MCOLN2: variants seen among roughly 807,000 people sequenced by gnomAD.
MCOLN2 encodes mucolipin-2.
A neutral mutation model predicts 67.5 loss-of-function variants in MCOLN2; 57 were observed. That is an observed-to-expected ratio of 0.84 (90% CI 0.68 to 1.05). The LOEUF is 1.05. MCOLN2 is among the 50% of genes least tolerant of loss of function. The pLI is 0.00. For missense variants in MCOLN2, 620 were observed against 678.8 expected (o/e 0.91, Z 0.96); for synonymous variants, 246 against 233.3 (o/e 1.05, Z -0.50).
At chr1:84,970,773 T>C (rs548412489) in intron 1 of MCOLN2, among the ~76,000 whole-genome samples, 1 of 152,294 alleles carries the variant, frequency 6.6e-6, no homozygotes, top group African/African-American at 2.4e-5. Context: ...TGTGAATAGA[T>C]AAAAGAATGA....
chr1:84,989,222 A>C (rs774289818), intron 1 of MCOLN2, among the ~76,000 whole-genome samples: 13 of 152,242 alleles, frequency 8.5e-5, no homozygotes, highest in Non-Finnish European at 1.8e-4. Flanking sequence ...ATGAGACATC[A>C]ATCTTGACTA....
At chr1:84,929,303 A>C (rs1661294142) in intron 13 of MCOLN2, among the ~76,000 whole-genome samples, 1 of 152,216 alleles carries the variant, frequency 6.6e-6, no homozygotes, top group Non-Finnish European at 1.5e-5. Flanking sequence ...TTAAGGACAT[A>C]ATTTATGCCT....
At position 84,937,889 on chromosome 1, in the gene MCOLN2, A is replaced by G; in HGVS notation, c.1213-12T>C. ...GTTAAAATCAGCACCTGAAAAAAAG[A>G]ACAGAATGGGTGAAATGAAAAAGTA... is the stretch of plus-strand genomic sequence containing the variant. On this transcript the variant is annotated splice_polypyrimidine_tract_variant and intron_variant, in intron 10 of 13. Coordinates refer to ENST00000370608, the MANE Select transcript of MCOLN2 (RefSeq NM_153259.4). 6.2e-7 allele frequency: 1 copy of G among 1,614,146 alleles called. No individual in the cohort carries two copies. The highest frequency in any genetic ancestry group is 8.5e-7 in the Non-Finnish European group (1 of 1,180,022).
intron 1 of MCOLN2, among the ~76,000 whole-genome samples, chr1:84,981,943 T>C (rs750801707): frequency 8.0e-4 from 104 of 130,424 alleles, no homozygotes; most frequent in Admixed American, 2.9e-3. Flanking sequence ...ACATCTACAA[T>C]GTACCCACAA....
At chr1:84,983,177 T>C (rs1314338097) in intron 1 of MCOLN2, among the ~76,000 whole-genome samples, 1 of 152,214 alleles carries the variant, frequency 6.6e-6, no homozygotes, top group Non-Finnish European at 1.5e-5. Context: ...AACCCAAATC[T>C]GTGTGGCTCT....
At chr1:84,986,096 T>A (rs1299647490) in intron 1 of MCOLN2, among the ~76,000 whole-genome samples, 3 of 152,090 alleles carry the variant, frequency 2.0e-5, no homozygotes, top group Non-Finnish European at 2.9e-5. Flanking sequence ...AAAACAGGCA[T>A]ACAAACCAAT....
At chr1:84,929,705 C>T (rs374246442) in intron 12 of MCOLN2, 26 bp from the exon 13 acceptor site, 4 of 1,599,590 alleles carry the variant, frequency 2.5e-6, no homozygotes, top group African/African-American at 2.7e-5. Context: ...AATGTTGTTA[C>T]CTTATTTATA....
chr1:84,926,599 T>G lies in MCOLN2; in HGVS notation c.*86A>C. 1 of 956,072 alleles carries G rather than the reference T, an allele frequency of 1.0e-6. No individual in the cohort carries two copies. The highest frequency in any genetic ancestry group is 1.6e-6 in the Non-Finnish European group (1 of 644,436). The allele number at this position is 956,072 out of a possible 1,614,324, so 59.2% of individuals were successfully genotyped here. Reference sequence around the variant, plus strand: ...CCACAATTAAATAAGAGAGTCATTTTGGAACTGCTTGTCCAAGTCATTTGG... The same window carrying G: ...CCACAATTAAATAAGAGAGTCATTTGGGAACTGCTTGTCCAAGTCATTTGG... On this transcript the variant is annotated 3_prime_UTR_variant, in exon 14 of 14. Coordinates refer to ENST00000370608, the MANE Select transcript of MCOLN2 (RefSeq NM_153259.4).
rs1651193583 is a variant in MCOLN2 at position 84,997,020 on chromosome 1, C to A, written c.-148G>T. On this transcript the variant is annotated 5_prime_UTR_variant, in exon 1 of 14. Transcript: ENST00000370608. ...TCCCTTCTCTTACCCTTTCTGCCGG[C>A]CGCGTGGTGCGCGCAGACCCCGGCC... 3.0e-6 allele frequency: 2 copies of A among 677,924 alleles called. No individual in the cohort carries two copies. The highest frequency in any genetic ancestry group is 2.8e-5 in the East Asian group (1 of 36,270). 42.0% of individuals were successfully genotyped at this position (677,924 alleles called of 1,614,324 possible).
chr1:84,977,525 G>GA (rs1349101343), intron 1 of MCOLN2, among the ~76,000 whole-genome samples: 2 of 151,914 alleles, frequency 1.3e-5, no homozygotes. Context: ...CACATAGACT[G>GA]AAAATAAAGG....
At chr1:84,933,180 C>T (rs1213441920) in intron 11 of MCOLN2, among the ~76,000 whole-genome samples, 4 of 152,160 alleles carry the variant, frequency 2.6e-5, no homozygotes, top group Non-Finnish European at 4.4e-5. Context: ...AGACCAAGTG[C>T]CCTGGTAGTT....
At chr1:84,985,423 G>A (rs975128355) in intron 1 of MCOLN2, among the ~76,000 whole-genome samples, 8 of 152,156 alleles carry the variant, frequency 5.3e-5, no homozygotes, top group Admixed American at 5.2e-4. Context: ...TTCTAAAACA[G>A]CTTGTCCAAT....
chr1:84,993,681 A>ACTG (rs1490928113), intron 1 of MCOLN2, among the ~76,000 whole-genome samples: 1 of 136,596 alleles, frequency 7.3e-6, no homozygotes, highest in Non-Finnish European at 1.5e-5. Flanking sequence ...CGGACTGCGG[A>ACTG]CTGCAGTGGC....
intron 2 of MCOLN2, among the ~76,000 whole-genome samples, chr1:84,961,868 T>G (rs970753928): frequency 1.3e-5 from 2 of 152,184 alleles, no homozygotes; most frequent in Non-Finnish European, 2.9e-5. Context: ...GATACTGCTC[T>G]AATTATGTAC....
chr1:84,950,141 C>T (rs1384746120), intron 6 of MCOLN2, among the ~76,000 whole-genome samples: 3 of 152,096 alleles, frequency 2.0e-5, no homozygotes, highest in Non-Finnish European at 4.4e-5. Flanking sequence ...AAGGAACTCA[C>T]AATAAAGACA....
chr1:84,939,485 C>G, intron 9 of MCOLN2, 68 bp downstream of exon 9: 1 of 1,474,032 alleles, frequency 6.8e-7, no homozygotes. Context: ...AAGGATGGTA[C>G]GTCTTAAGAT....
chr1:84,988,842 C>T (rs1650742786), intron 1 of MCOLN2, among the ~76,000 whole-genome samples: 1 of 152,184 alleles, frequency 6.6e-6, no homozygotes, highest in Admixed American at 6.5e-5. Flanking sequence ...CCTCACTACA[C>T]AATGACTTCC....
intron 7 of MCOLN2, among the ~76,000 whole-genome samples, chr1:84,946,726 A>C (rs1648130285): frequency 6.6e-6 from 1 of 152,208 alleles, no homozygotes; most frequent in African/African-American, 2.4e-5. Flanking sequence ...ACTGAGACAG[A>C]CAGGTTAAGT....
At chr1:84,980,361 TC>T (rs1650195693) in intron 1 of MCOLN2, among the ~76,000 whole-genome samples, 1 of 152,042 alleles carries the variant, frequency 6.6e-6, no homozygotes, top group African/African-American at 2.4e-5. Context: ...GTCAAAGCTA[TC>T]CTCAGCAAAA....
Sources: allele counts gnomAD v4.1 joint callset (sites outside exome capture counted in the v4.1 genomes callset), GRCh38; gene constraint gnomAD v4.1.1; transcripts MANE v1.5; gene names NCBI Gene and HGNC (gene_info 2026-07-23, HGNC 2026-07-21).